The following TRIM24 variants were observed in gnomAD, a reference collection of about 807,000 sequenced individuals.
The protein encoded by TRIM24 is tripartite motif containing 24, also known as transcription intermediary factor 1-alpha.
TRIM24 carries 29 observed loss-of-function variants against 123.9 expected under a neutral mutation model. That is an observed-to-expected ratio of 0.23 (90% CI 0.17 to 0.32). The LOEUF (loss-of-function observed/expected upper bound fraction) is 0.32, where lower values mean the gene tolerates loss of function less well. Among genes scored for constraint, TRIM24 ranks in the 10% least tolerant of loss-of-function variants. TRIM24 has a pLI of 1.00. For synonymous variants in TRIM24, 456 were observed against 461.1 expected (o/e 0.99, Z 0.14); for missense variants, 932 against 1,295.3 (o/e 0.72, Z 4.31).
chr7:138,532,429 C>T (rs1162507263), intron 6 of TRIM24, among the ~76,000 whole-genome samples: 1 of 152,180 alleles, frequency 6.6e-6, no homozygotes, highest in African/African-American at 2.4e-5. Flanking sequence ...CAGCTTTCTA[C>T]ATATGGCTAG....
Position 138,570,824 on chromosome 7 carries a change from C to T in TRIM24, c.1705-6C>T, listed in dbSNP as rs1387158707. On this transcript the variant is annotated splice_region_variant and splice_polypyrimidine_tract_variant and intron_variant, in intron 10 of 18. Coordinates refer to ENST00000343526, the MANE Select transcript of TRIM24 (RefSeq NM_015905.3). ...AGCCTTTGTTCTTCTCTTCTTGTTA[C>T]TGTAGTGGCAGATCAGCAGTGGACA... 1 of 1,613,538 alleles carries T rather than the reference C, an allele frequency of 6.2e-7. No homozygotes were observed. Among genetic ancestry groups the T allele is most frequent in the Admixed American group, 1.7e-5 (1 of 59,950 alleles).
At chr7:138,565,791 G>A (rs1216967512) in intron 9 of TRIM24, among the ~76,000 whole-genome samples, 1 of 152,238 alleles carries the variant, frequency 6.6e-6, no homozygotes, top group Non-Finnish European at 1.5e-5. Flanking sequence ...CTAATGGCAT[G>A]AAATTCATGG....
chr7:138,524,335 C>T (rs1796566685), intron 4 of TRIM24, among the ~76,000 whole-genome samples: 1 of 151,932 alleles, frequency 6.6e-6, no homozygotes, highest in Non-Finnish European at 1.5e-5. Context: ...CCATTTTGAC[C>T]ATTTCATGTA....
intron 1 of TRIM24, among the ~76,000 whole-genome samples, chr7:138,489,578 T>C (rs527695158): frequency 3.3e-5 from 5 of 152,336 alleles, no homozygotes; most frequent in African/African-American, 1.2e-4. Flanking sequence ...TTCTTGTCTA[T>C]AAAGGATTTT....
chr7:138,477,491 TCC>T (rs1795429226), intron 1 of TRIM24, among the ~76,000 whole-genome samples: 2 of 152,208 alleles, frequency 1.3e-5, no homozygotes, highest in African/African-American at 4.8e-5. Context: ...TAAGTAACTC[TCC>T]CTGCTTCCCC....
In TRIM24 at chr7:138,518,783, G is replaced by A. The variant is rs187492827; in HGVS notation, c.632-406G>A. ...CCTGAATAGCTGTGACTACAAGCGT[G>A]GGCCACTGTGCCAGGCTTGATTTTC... On this transcript the variant is annotated intron_variant, in intron 3 of 18. Coordinates refer to ENST00000343526, the MANE Select transcript of TRIM24 (RefSeq NM_015905.3). 3.0e-3 allele frequency among the ~76,000 whole-genome samples: 459 copies of A among 152,246 alleles called. 10 individuals carry two copies. The highest frequency in any genetic ancestry group is 5.5e-3 in the Admixed American group (84 of 15,282).
chr7:138,586,525 A>G lies in TRIM24; in HGVS notation c.*1574A>G, dbSNP rs964079531. ...TTAGCAATAGATCCCCATTGTTTAT[A>G]TATATAGGTCTTGTTCATAATATGT... is the stretch of plus-strand genomic sequence containing the variant. On this transcript the variant is annotated 3_prime_UTR_variant, in exon 19 of 19. Transcript: ENST00000343526. 4 of 152,396 alleles carry G rather than the reference A, an allele frequency of 2.6e-5. No individual in the cohort carries two copies. The highest frequency in any genetic ancestry group is 6.5e-5 in the Admixed American group (1 of 15,338). The allele number at this position is 152,396 out of a possible 1,614,324, so 9.4% of individuals were successfully genotyped here.
intron 1 of TRIM24, among the ~76,000 whole-genome samples, chr7:138,482,312 T>G (rs1795546568): frequency 6.6e-6 from 1 of 152,120 alleles, no homozygotes; most frequent in Admixed American, 6.6e-5. Context: ...CCTGTAATTA[T>G]TTTTCAGAAG....
At chr7:138,515,492 T>C in intron 3 of TRIM24, 133 bp downstream of exon 3, 2 of 1,090,880 alleles carry the variant, frequency 1.8e-6, no homozygotes, top group Non-Finnish European at 2.5e-6. Flanking sequence ...GAGGTTTATA[T>C]TATCGAAATT....
At chr7:138,468,388 G>A (rs1189388303) in intron 1 of TRIM24, among the ~76,000 whole-genome samples, 1 of 152,036 alleles carries the variant, frequency 6.6e-6, no homozygotes, top group Non-Finnish European at 1.5e-5. Context: ...TGAATTGCCT[G>A]CCCTTTTTTA....
intron 1 of TRIM24, among the ~76,000 whole-genome samples, chr7:138,487,343 C>T (rs1241059836): frequency 6.6e-6 from 1 of 152,142 alleles, no homozygotes; most frequent in African/African-American, 2.4e-5. Context: ...TTTCTCTTGC[C>T]TGATTGCCCT....
At chr7:138,486,646 T>C (rs1368034548) in intron 1 of TRIM24, among the ~76,000 whole-genome samples, 1 of 152,188 alleles carries the variant, frequency 6.6e-6, no homozygotes, top group African/African-American at 2.4e-5. Flanking sequence ...CAGATGGTTA[T>C]AGATGTCTGA....
chr7:138,533,609 C>T lies in TRIM24; in HGVS notation c.996+4379C>T, dbSNP rs141360380. Among the ~76,000 whole-genome samples the T allele has an allele frequency of 7.3e-3, 1,105 of 152,240 alleles. 13 individuals are homozygous for T. The highest frequency in any genetic ancestry group is 0.046 in the South Asian group (223 of 4,814). On this transcript the variant is annotated intron_variant, in intron 6 of 18. Transcript: ENST00000343526. ...AAGCTTTTTGATGTGCTGCTGGATT[C>T]GATTTGCCAGTATTTTATTGAGGAT...
At position 138,578,269 on chromosome 7, in the gene TRIM24, T is replaced by C. The variant is rs1202430609; in HGVS notation, c.2256+681T>C. Among the ~76,000 whole-genome samples, 3 of 151,974 alleles carry C rather than the reference T, an allele frequency of 2.0e-5. No homozygotes were observed. In the East Asian group the frequency reaches 5.8e-4, roughly 29 times the overall value. On this transcript the variant is annotated intron_variant, in intron 14 of 18. Transcript: ENST00000343526. ...CATTTTGTGGGTCTGCAGTGAACAA[T>C]ATTTAAATAATAATAATAATGATGT... is the stretch of plus-strand genomic sequence containing the variant.
rs942924439 is a variant in TRIM24, at chr7:138,588,710, AATT to A, written c.*3762_*3764del. ...AGCAAGACTCTGTCACAAAAAGAAA[AATT>A]ATGGGGAATGGCCGGGCGCGGTGGC... On this transcript the variant is annotated 3_prime_UTR_variant, in exon 19 of 19. Transcript: ENST00000343526. 2.0e-5 allele frequency: 3 copies of A among 149,990 alleles called. No homozygotes were observed. Among genetic ancestry groups the A allele is most frequent in the African/African-American group, 7.4e-5 (3 of 40,454 alleles). The allele number at this position is 149,990 out of a possible 1,614,324, so 9.3% of individuals were successfully genotyped here.
rs564077954 is a variant in TRIM24 at position 138,529,988 on chromosome 7, A to G, written c.996+758A>G. 3.9e-5 allele frequency among the ~76,000 whole-genome samples: 6 copies of G among 152,330 alleles called. No homozygotes were observed. In the South Asian group the frequency reaches 8.3e-4, roughly 21 times the overall value. Reference sequence around the variant, plus strand: ...AGATTTGAGGAAAAATAAGACTTCTAGAAATAATTTAGGTCATCCTTTTTA... The same window carrying G: ...AGATTTGAGGAAAAATAAGACTTCTGGAAATAATTTAGGTCATCCTTTTTA... On this transcript the variant is annotated intron_variant, in intron 6 of 18. Coordinates refer to ENST00000343526, the MANE Select transcript of TRIM24 (RefSeq NM_015905.3).
At chr7:138,555,113 C>G in intron 9 of TRIM24, 147 bp downstream of exon 9, 2 of 816,260 alleles carry the variant, frequency 2.5e-6, no homozygotes. Context: ...TGATTTAATG[C>G]CTAGTTTTTA....
At chr7:138,483,644 G>C (rs1795580179) in intron 1 of TRIM24, among the ~76,000 whole-genome samples, 1 of 152,214 alleles carries the variant, frequency 6.6e-6, no homozygotes, top group African/African-American at 2.4e-5. Flanking sequence ...ATTGACAACA[G>C]TTTATTAGTC....
chr7:138,530,025 A>C (rs758134076), intron 6 of TRIM24, among the ~76,000 whole-genome samples: 2 of 152,184 alleles, frequency 1.3e-5, no homozygotes, highest in South Asian at 2.1e-4. Flanking sequence ...ATCATAATTT[A>C]CCAAATTAAA....
Sources: allele counts gnomAD v4.1 joint callset (sites outside exome capture counted in the v4.1 genomes callset), GRCh38; gene constraint gnomAD v4.1.1; transcripts MANE v1.5; gene names NCBI Gene and HGNC (gene_info 2026-07-23, HGNC 2026-07-21).